The following UMAD1 variants were observed in gnomAD, a reference collection of about 807,000 sequenced individuals.
UMAD1 encodes UBAP1-MVB12-associated (UMA)-domain containing protein 1.
In UMAD1, 8 loss-of-function variants were observed where a neutral mutation model predicts 6.1. The observed-to-expected ratio is 1.30, with a 90% CI of 0.76 to 2.35. UMAD1 has a LOEUF of 2.35. Among genes scored for constraint, UMAD1 ranks in the 30% most tolerant of loss-of-function variants. The probability of loss-of-function intolerance (pLI) is 0.00; values close to 1 mark genes in which losing one functional copy is unlikely to be tolerated. For synonymous variants in UMAD1, 56 were observed against 31.4 expected, an observed-to-expected ratio of 1.78 and a Z score of -2.61; for missense variants, 130 against 78.4, an observed-to-expected ratio of 1.66 and a Z score of -2.49.
At chr7:7,751,531 A>G (rs941942027) in intron 2 of UMAD1, among the ~76,000 whole-genome samples, 1 of 152,208 alleles carries the variant, frequency 6.6e-6, no homozygotes, top group South Asian at 2.1e-4. Flanking sequence ...AAACTAAATT[A>G]GACTTTGCAC....
rs149175935 is a variant in UMAD1, at chr7:7,851,567, T to C, written c.157-25714T>C. On this transcript the variant is annotated intron_variant, in intron 3 of 3. Transcript: ENST00000682710. The stretch of plus-strand genomic sequence containing the variant: ...TCTCCACATCCTGACCAGAAGTTGT[T>C]ATTATCTGACTTCTTGATTATAACC... 7.9e-5 allele frequency among the ~76,000 whole-genome samples: 12 copies of C among 152,294 alleles called. No homozygotes were observed. The East Asian group carries it at 2.3e-3, about 29-fold the overall frequency.
At chr7:7,692,016 A>G (rs890306106) in intron 2 of UMAD1, among the ~76,000 whole-genome samples, 1 of 152,208 alleles carries the variant, frequency 6.6e-6, no homozygotes, top group African/African-American at 2.4e-5. Flanking sequence ...TTAGATTGAG[A>G]AAAAACTAAG....
intron 1 of UMAD1, among the ~76,000 whole-genome samples, chr7:7,662,499 G>T (rs530544674): frequency 6.6e-6 from 1 of 152,210 alleles, no homozygotes; most frequent in South Asian, 2.1e-4. Context: ...TGGGAAAAGC[G>T]TAGTATCCGG....
rs563088667 is a variant in UMAD1 at position 7,831,973 on chromosome 7, G to A, written c.156+30230G>A. Reference sequence around the variant, plus strand: ...TGAAGATACAATTAGCCAATTGTGTGTGCAATTAGATGTGTATGCAGTTTT... The same window carrying A: ...TGAAGATACAATTAGCCAATTGTGTATGCAATTAGATGTGTATGCAGTTTT... On this transcript the variant is annotated intron_variant, in intron 3 of 3. Transcript: ENST00000682710. Among the ~76,000 whole-genome samples the A allele has an allele frequency of 2.0e-5, 3 of 152,244 alleles. No individual in the cohort carries two copies. In the South Asian group the frequency reaches 6.2e-4, roughly 32 times the overall value.
intron 2 of UMAD1, among the ~76,000 whole-genome samples, chr7:7,785,250 G>A (rs1414000404): frequency 6.6e-6 from 1 of 152,164 alleles, no homozygotes; most frequent in African/African-American, 2.4e-5. Flanking sequence ...CTTTTAAGAA[G>A]TCAATCATTC....
chr7:7,733,756 G>A (rs73676912), intron 2 of UMAD1, among the ~76,000 whole-genome samples: 44,568 of 150,568 alleles, frequency 0.3, 7,604 homozygotes, highest in African/African-American at 0.48. Context: ...TGCGTTGTAT[G>A]GGTCTAAAAT....
intron 3 of UMAD1, among the ~76,000 whole-genome samples, chr7:7,802,016 A>C (rs1174051431): frequency 2.0e-5 from 3 of 152,272 alleles, no homozygotes; most frequent in Non-Finnish European, 2.9e-5. Flanking sequence ...AACTATTTTT[A>C]ATTGAGTGAT....
At chr7:7,676,103 A>G (rs1779730996) in intron 2 of UMAD1, 1 of 398,540 alleles carries the variant, frequency 2.5e-6, no homozygotes, top group Non-Finnish European at 4.4e-6. Flanking sequence ...CTTCCGCAGA[A>G]GCATCTCAGA....
intron 3 of UMAD1, among the ~76,000 whole-genome samples, chr7:7,848,083 TG>T (rs1221339701): frequency 6.6e-6 from 1 of 152,208 alleles, no homozygotes; most frequent in Non-Finnish European, 1.5e-5. Context: ...GAACTAATGA[TG>T]TATTACCTGG....
intron 2 of UMAD1, among the ~76,000 whole-genome samples, chr7:7,733,511 T>A (rs182506427): frequency 6.6e-6 from 1 of 150,782 alleles, no homozygotes; most frequent in East Asian, 1.9e-4. Flanking sequence ...GTTGCTCATG[T>A]TTTGAATTAA....
At chr7:7,837,958 G>A (rs1218389629) in intron 3 of UMAD1, among the ~76,000 whole-genome samples, 3 of 152,006 alleles carry the variant, frequency 2.0e-5, no homozygotes, top group Non-Finnish European at 4.4e-5. Flanking sequence ...ACAAGATAAT[G>A]GTAAAAGATT....
chr7:7,782,559 T>C (rs1259481994), intron 2 of UMAD1, among the ~76,000 whole-genome samples: 2 of 152,116 alleles, frequency 1.3e-5, no homozygotes, highest in African/African-American at 4.8e-5. Flanking sequence ...TTTTTATTCA[T>C]TTTAAATTGT....
intron 2 of UMAD1, among the ~76,000 whole-genome samples, chr7:7,769,591 C>T (rs1032648763): frequency 6.6e-6 from 1 of 152,102 alleles, no homozygotes; most frequent in African/African-American, 2.4e-5. Flanking sequence ...GGTGGGCTGC[C>T]TACCCAGGCC....
At chr7:7,868,901 C>T (rs966270264) in intron 3 of UMAD1, among the ~76,000 whole-genome samples, 1 of 152,022 alleles carries the variant, frequency 6.6e-6, no homozygotes, top group African/African-American at 2.4e-5. Context: ...AAGAAGGGGA[C>T]CAGATCTAGT....
chr7:7,645,972 C>T (rs1038924760), intron 1 of UMAD1, among the ~76,000 whole-genome samples: 9 of 152,182 alleles, frequency 5.9e-5, no homozygotes, highest in African/African-American at 2.2e-4. Context: ...CTCGTTTGCT[C>T]GGCTGCCGTG....
chr7:7,663,775 G>A (rs988238643), intron 1 of UMAD1, among the ~76,000 whole-genome samples: 9 of 152,242 alleles, frequency 5.9e-5, no homozygotes, highest in South Asian at 2.1e-4. Context: ...GGGCAATAAC[G>A]AATGCATTTT....
At chr7:7,702,694 TTA>T (rs1780490162) in intron 2 of UMAD1, among the ~76,000 whole-genome samples, 1 of 152,236 alleles carries the variant, frequency 6.6e-6, no homozygotes, top group African/African-American at 2.4e-5. Flanking sequence ...AAATTGAATC[TTA>T]CTTTTCCACT....
intron 3 of UMAD1, among the ~76,000 whole-genome samples, chr7:7,803,743 A>T (rs1782850147): frequency 6.6e-6 from 1 of 151,768 alleles, no homozygotes; most frequent in Non-Finnish European, 1.5e-5. Context: ...CTCACATGAT[A>T]AAGGGAGAAC....
chr7:7,671,296 C>A (rs1779600218), intron 1 of UMAD1, among the ~76,000 whole-genome samples: 1 of 152,130 alleles, frequency 6.6e-6, no homozygotes, highest in South Asian at 2.1e-4. Flanking sequence ...TGCATGCCCC[C>A]CTCTTCTCTT....
Sources: gnomAD v4.1 joint callset for allele counts (sites outside exome capture counted in the v4.1 genomes callset) on GRCh38, gnomAD v4.1.1 for gene constraint, MANE v1.5 for transcripts, NCBI Gene and HGNC (gene_info 2026-07-23, HGNC 2026-07-21) for gene names.